The following CCR3 variants were observed in gnomAD, a reference collection of about 807,000 sequenced individuals.
The protein encoded by CCR3 is C-C chemokine receptor type 3.
For synonymous variants in CCR3, 203 were observed against 179.2 expected (o/e 1.13, Z -1.06); for missense variants, 419 against 437.5 (o/e 0.96, Z 0.38).
chr3:46,263,343 C>T (rs1270257349), intron 1 of CCR3: 1 of 154,862 alleles, frequency 6.5e-6, no homozygotes, highest in African/African-American at 2.4e-5. Context: ...CAGAAGGACA[C>T]TCTGTGATTG....
At chr3:46,250,571 A>G (rs1700286980) in intron 1 of CCR3, among the ~76,000 whole-genome samples, 2 of 152,136 alleles carry the variant, frequency 1.3e-5, no homozygotes, top group African/African-American at 4.8e-5. Context: ...TAGGATGGAG[A>G]AATCGAAAGT....
Position 46,265,868 on chromosome 3 carries a change from C to G in CCR3, c.710C>G (p.Ala237Gly). Residue 237 changes from alanine to glycine, a missense_variant, in exon 2 of 2, where the codon GCC becomes GGC. By Grantham distance (60) the Ala-to-Gly change is moderately conservative. Transcript: ENST00000395940. ...LRCPSKKKYK[A>G]IRLIFVIMAV... ...TGCCCCAGTAAAAAAAAGTACAAGG[C>G]CATCCGGCTCATTTTTGTCATCATG... is the stretch of plus-strand genomic sequence containing the variant. 6.2e-7 allele frequency: 1 copy of G among 1,614,066 alleles called. No homozygotes were observed. Among genetic ancestry groups the G allele is most frequent in the Non-Finnish European group, 8.5e-7 (1 of 1,179,982 alleles).
intron 2 of CCR3, among the ~76,000 whole-genome samples, chr3:46,223,699 C>T (rs34414382): frequency 0.061 from 9,335 of 152,192 alleles, 478 homozygotes; most frequent in South Asian, 0.25. Context: ...TCACGTGTCA[C>T]TTGTATCAAT....
At chr3:46,219,174 T>C (rs1699807106) in intron 2 of CCR3, among the ~76,000 whole-genome samples, 2 of 152,144 alleles carry the variant, frequency 1.3e-5, no homozygotes, top group African/African-American at 4.8e-5. Flanking sequence ...AGCACTGCTA[T>C]ACACCAACAG....
intron 1 of CCR3, among the ~76,000 whole-genome samples, 165 bp downstream of exon 1, chr3:46,242,703 A>G (rs1700105622): frequency 6.6e-6 from 1 of 151,646 alleles, no homozygotes; most frequent in South Asian, 2.1e-4. Flanking sequence ...ATGGCCACAT[A>G]TCTCCATTTT....
intron 1 of CCR3, chr3:46,264,828 T>C (rs1166398644): frequency 2.5e-6 from 1 of 393,922 alleles, no homozygotes; most frequent in Non-Finnish European, 4.5e-6. Context: ...GTTATCATTA[T>C]CTAGCCTGTT....
chr3:46,224,734 CAAAA>C (rs901561258), intron 2 of CCR3, among the ~76,000 whole-genome samples: 4 of 47,480 alleles, frequency 8.4e-5, no homozygotes, highest in East Asian at 1.3e-3. Context: ...AAGACTCTGT[CAAAA>C]AAAAAAAAAA....
intron 2 of CCR3, among the ~76,000 whole-genome samples, chr3:46,237,035 GC>G (rs1700032268): frequency 6.6e-6 from 1 of 152,172 alleles, no homozygotes; most frequent in Admixed American, 6.5e-5. Context: ...CCATTTTGCT[GC>G]AAATGGCATG....
At chr3:46,256,473 C>A (rs576095464) in intron 1 of CCR3, among the ~76,000 whole-genome samples, 1 of 152,004 alleles carries the variant, frequency 6.6e-6, no homozygotes, top group African/African-American at 2.4e-5. Flanking sequence ...ACTCTGAAAA[C>A]AATAATTTAA....
At chr3:46,242,972 T>TATACGCAC (rs1700113487) in intron 1 of CCR3, among the ~76,000 whole-genome samples, 1 of 103,370 alleles carries the variant, frequency 9.7e-6, no homozygotes, top group Non-Finnish European at 1.9e-5. Flanking sequence ...TGTATATATA[T>TATACGCAC]ATATATACAC....
intron 2 of CCR3, among the ~76,000 whole-genome samples, chr3:46,223,258 T>G (rs1473943373): frequency 6.6e-6 from 1 of 152,186 alleles, no homozygotes. Flanking sequence ...GAGAACTGCT[T>G]GAGCCCAGGA....
intron 2 of CCR3, among the ~76,000 whole-genome samples, chr3:46,229,151 G>A (rs948966982): frequency 3.3e-5 from 5 of 152,172 alleles, no homozygotes; most frequent in African/African-American, 7.2e-5. Context: ...TGATATGAGC[G>A]ATTTCCAGGC....
intron 1 of CCR3, among the ~76,000 whole-genome samples, chr3:46,255,991 T>A (rs1700416058): frequency 6.6e-6 from 1 of 152,166 alleles, no homozygotes; most frequent in Non-Finnish European, 1.5e-5. Flanking sequence ...TTTTTTGCAG[T>A]ATGGTCATTT....
intron 2 of CCR3, among the ~76,000 whole-genome samples, chr3:46,229,943 C>A (rs1439434194): frequency 6.6e-6 from 1 of 152,106 alleles, no homozygotes; most frequent in South Asian, 2.1e-4. Context: ...CTTAGGGTAG[C>A]CCTTATCCCA....
intron 2 of CCR3, among the ~76,000 whole-genome samples, chr3:46,233,712 C>G (rs1699993406): frequency 6.6e-6 from 1 of 152,186 alleles, no homozygotes; most frequent in Admixed American, 6.5e-5. Flanking sequence ...AAAGCCAGGA[C>G]AGAACGAGCC....
chr3:46,213,858 A>G (rs1307342946), intron 2 of CCR3, among the ~76,000 whole-genome samples: 3 of 152,078 alleles, frequency 2.0e-5, no homozygotes, highest in African/African-American at 4.8e-5. Context: ...CAGCCTCCTC[A>G]TGCCCTCACT....
At chr3:46,249,383 C>T (rs1700261992) in intron 1 of CCR3, among the ~76,000 whole-genome samples, 1 of 152,030 alleles carries the variant, frequency 6.6e-6, no homozygotes, top group South Asian at 2.1e-4. Flanking sequence ...GTTTAGAAGC[C>T]TGGGCATCAA....
upstream of CCR3, among the ~76,000 whole-genome samples, chr3:46,239,141 C>T (rs1054603546): frequency 6.6e-6 from 1 of 152,184 alleles, no homozygotes; most frequent in African/African-American, 2.4e-5. Flanking sequence ...GAGATTATTA[C>T]AAGAATCTGC....
rs552791468 is a variant in CCR3, at chr3:46,265,014, A to G, written c.-11-134A>G. The stretch of plus-strand genomic sequence containing the variant: ...TGGCACCTCTGATATGCCTTTTGAA[A>G]TTCATGTTAAAGAATCCCTAGGCTG... On this transcript the variant is annotated intron_variant, in intron 1 of 1. Coordinates refer to ENST00000395940, the MANE Select transcript of CCR3 (RefSeq NM_178329.3). 22 of 644,002 alleles carry G rather than the reference A, an allele frequency of 3.4e-5. No homozygotes were observed. In the Admixed American group the frequency reaches 5.8e-4, roughly 17 times the overall value. The allele number at this position is 644,002 out of a possible 1,614,324, so 39.9% of individuals were successfully genotyped here. A position where few individuals can be genotyped will look rare whatever the true frequency, so the allele number is the denominator to read the frequency against.
Sources: allele counts gnomAD v4.1 joint callset (sites outside exome capture counted in the v4.1 genomes callset), GRCh38; gene constraint gnomAD v4.1.1; transcripts MANE v1.5; gene names NCBI Gene and HGNC (gene_info 2026-07-23, HGNC 2026-07-21).